Variants in BRF1 observed in about 807,000 individuals in gnomAD.
The protein encoded by BRF1 is transcription factor IIIB 90 kDa subunit.
BRF1 carries 59 observed loss-of-function variants against 81.7 expected under a neutral mutation model. The ratio of observed to expected loss-of-function variants is 0.72; its 90% confidence interval spans 0.59 to 0.90. The LOEUF (loss-of-function observed/expected upper bound fraction) is 0.90, where lower values mean the gene tolerates loss of function less well. Among genes scored for constraint, BRF1 ranks in the 40% least tolerant of loss-of-function variants. The pLI is 0.00. For synonymous variants in BRF1, 491 were observed against 395.6 expected (o/e 1.24, Z -2.86); for missense variants, 1,050 against 936.3 (o/e 1.12, Z -1.58).
chr14:105,210,394 G>C lies in BRF1; in HGVS notation c.*157C>G. The C allele has an allele frequency of 1.4e-6, 1 of 733,164 alleles. No homozygotes were observed. The highest frequency in any genetic ancestry group is 2.2e-6 in the Non-Finnish European group (1 of 449,680). The allele number at this position is 733,164 out of a possible 1,614,324, so 45.4% of individuals were successfully genotyped here. On this transcript the variant is annotated 3_prime_UTR_variant, in exon 18 of 18. Coordinates refer to ENST00000547530, the MANE Select transcript of BRF1 (RefSeq NM_001519.4). This position sits in a 1 kb window ranked among gnomAD's most constrained non-coding sequence, Gnocchi z 4.7. ...GCTGAATAGAAACACAATCCCAATGGTAAGTTCCACATGGGACGAGGGCTG... is the reference window on the plus strand; with the variant it reads ...GCTGAATAGAAACACAATCCCAATGCTAAGTTCCACATGGGACGAGGGCTG...
intron 1 of BRF1, among the ~76,000 whole-genome samples, chr14:105,299,345 A>G (rs1296232873): frequency 6.6e-6 from 1 of 152,120 alleles, no homozygotes; most frequent in Non-Finnish European, 1.5e-5. Context: ...CCAAGGCTGG[A>G]GTATCACTTG....
Position 105,209,675 on chromosome 14 carries a change from C to A in BRF1, c.*876G>T. ...GATGGGGGGCCTGATCCAGCTCTGA[C>A]AGGGAGCGCCACTGCCCTCTGGCTC... On this transcript the variant is annotated 3_prime_UTR_variant, in exon 18 of 18. Transcript: ENST00000547530. 1 of 662,724 alleles carries A rather than the reference C, an allele frequency of 1.5e-6. No homozygotes were observed. The highest frequency in any genetic ancestry group is 1.8e-5 in the African/African-American group (1 of 56,422). The allele number at this position is 662,724 out of a possible 1,614,324, so 41.1% of individuals were successfully genotyped here.
chr14:105,250,525 C>T (rs778312723), intron 5 of BRF1: 20 of 1,613,924 alleles, frequency 1.2e-5, no homozygotes, highest in South Asian at 1.1e-4. Flanking sequence ...CCGTCCTGGA[C>T]GGCAGCGAAC....
intron 2 of BRF1, among the ~76,000 whole-genome samples, chr14:105,280,926 G>T: frequency 6.8e-6 from 1 of 146,968 alleles, no homozygotes; most frequent in Non-Finnish European, 1.5e-5. Flanking sequence ...CTGAGCCCAG[G>T]TGTGTGGACA....
At chr14:105,226,809 G>C in intron 7 of BRF1, 49 bp from the exon 8 acceptor site, 1 of 1,611,506 alleles carries the variant, frequency 6.2e-7, no homozygotes, top group Non-Finnish European at 8.5e-7. Context: ...TCTGAAACCA[G>C]CTGTTTAAAA....
At chr14:105,214,546 CCT>C (rs34491320) in intron 15 of BRF1, among the ~76,000 whole-genome samples, 51,138 of 131,162 alleles carry the variant, frequency 0.39, 11,077 homozygotes, top group African/African-American at 0.6. Flanking sequence ...TGCCCACACC[CCT>C]GAGTGGCCCA....
chr14:105,314,437 G>A (rs1329784090), intron 1 of BRF1: 1 of 149,664 alleles, frequency 6.7e-6, no homozygotes, highest in African/African-American at 2.5e-5. Context: ...CGACTCTCCC[G>A]GCCCTTGCCC....
At chr14:105,297,996 A>C (rs371097248) in intron 1 of BRF1, among the ~76,000 whole-genome samples, 60 of 152,368 alleles carry the variant, frequency 3.9e-4, no homozygotes, top group African/African-American at 1.3e-3. Context: ...ACTCCGTCTC[A>C]AGAAAAAAAT....
chr14:105,247,332 C>T (rs587758532), intron 5 of BRF1: 7 of 985,496 alleles, frequency 7.1e-6, no homozygotes, highest in Middle Eastern at 5.2e-4. Flanking sequence ...ACCAACACTA[C>T]GTGACAAGTC....
At position 105,215,367 on chromosome 14, in the gene BRF1, CAT is replaced by C. The variant is rs3837678; in HGVS notation, c.1772+2175_1772+2176del. Among the ~76,000 whole-genome samples, 1,455 of 152,258 alleles carry C rather than the reference CAT, an allele frequency of 9.6e-3. 50 individuals are homozygous for C. Among genetic ancestry groups the C allele is most frequent in the Admixed American group, 0.065 (987 of 15,294 alleles). ...CACACACTGCATGCACAGAGAGACACATAGGCGTGCACACCTGCATTTGCACA... is the reference window on the plus strand; with the variant it reads ...CACACACTGCATGCACAGAGAGACACAGGCGTGCACACCTGCATTTGCACA... On this transcript the variant is annotated intron_variant, in intron 15 of 17. Coordinates refer to ENST00000547530, the MANE Select transcript of BRF1 (RefSeq NM_001519.4).
chr14:105,251,307 T>C (rs2055596853), intron 5 of BRF1, among the ~76,000 whole-genome samples: 1 of 152,162 alleles, frequency 6.6e-6, no homozygotes, highest in Non-Finnish European at 1.5e-5. Flanking sequence ...CCTGGTTGTC[T>C]CTATGTCCTA....
chr14:105,270,558 G>A (rs2056613007), intron 3 of BRF1, among the ~76,000 whole-genome samples: 1 of 151,982 alleles, frequency 6.6e-6, no homozygotes, highest in Non-Finnish European at 1.5e-5. Flanking sequence ...GGAGGCCAGG[G>A]CGGGTGGATC....
At chr14:105,229,593 C>G (rs117230703) in intron 6 of BRF1, among the ~76,000 whole-genome samples, 1 of 152,354 alleles carries the variant, frequency 6.6e-6, no homozygotes, top group Non-Finnish European at 1.5e-5. Context: ...GTGACAGCTG[C>G]GACCTGGGGG....
chr14:105,219,314 T>C, intron 12 of BRF1, 82 bp from the exon 13 acceptor site: 1 of 1,584,308 alleles, frequency 6.3e-7, no homozygotes, highest in Non-Finnish European at 8.6e-7. Context: ...CAGCGGGAAG[T>C]ATTTCCACCG....
chr14:105,219,091 C>A, intron 13 of BRF1, 38 bp from the exon 14 acceptor site: 1 of 1,613,950 alleles, frequency 6.2e-7, no homozygotes, highest in Non-Finnish European at 8.5e-7. Flanking sequence ...CACTGAGGGC[C>A]CACGCCCCAG....
intron 12 of BRF1, 175 bp downstream of exon 12, chr14:105,219,894 G>T: frequency 1.4e-6 from 1 of 701,700 alleles, no homozygotes; most frequent in South Asian, 1.8e-5. Context: ...CACTGGAGAA[G>T]AGAGTGTGGG....
chr14:105,312,302 A>G (rs1215057383), intron 1 of BRF1, among the ~76,000 whole-genome samples: 1 of 152,246 alleles, frequency 6.6e-6, no homozygotes, highest in African/African-American at 2.4e-5. Context: ...ATCCTAGCCA[A>G]GCATTCAGAA....
At position 105,269,007 on chromosome 14, in the gene BRF1, A is replaced by G. The variant is rs1428969787; in HGVS notation, c.439+3714T>C. ...AGCCCAGCCAGCCAGCTGGGGCTGCAGGAGGCGAGGACAGTGGCCAGAGCC... is the reference window on the plus strand; with the variant it reads ...AGCCCAGCCAGCCAGCTGGGGCTGCGGGAGGCGAGGACAGTGGCCAGAGCC... On this transcript the variant is annotated intron_variant, in intron 3 of 17. Transcript: ENST00000547530. The surrounding 1 kb of genome is among the most constrained non-coding windows in gnomAD (Gnocchi z 5.0). Among the ~76,000 whole-genome samples, 5 of 152,210 alleles carry G rather than the reference A, an allele frequency of 3.3e-5. No individual in the cohort carries two copies. Among genetic ancestry groups the G allele is most frequent in the African/African-American group, 4.8e-5 (2 of 41,462 alleles).
intron 2 of BRF1, among the ~76,000 whole-genome samples, chr14:105,275,845 A>T (rs587710957): frequency 1.6e-4 from 25 of 152,406 alleles, no homozygotes; most frequent in African/African-American, 5.8e-4. Context: ...TGATGAGCTC[A>T]GTGCCCTTAA....
Sources: gnomAD v4.1 joint callset for allele counts (sites outside exome capture counted in the v4.1 genomes callset) on GRCh38, gnomAD v4.1.1 for gene constraint, Gnocchi (gnomAD v3.1) non-coding constraint, MANE v1.5 for transcripts, NCBI Gene and HGNC (gene_info 2026-07-23, HGNC 2026-07-21) for gene names.